ASH1L: variants seen among roughly 807,000 people sequenced by gnomAD.
ASH1L encodes the protein histone-lysine N-methyltransferase ASH1L.
In ASH1L, 23 loss-of-function variants were observed where a neutral mutation model predicts 269.0. That is an observed-to-expected ratio of 0.09 (90% confidence interval 0.06 to 0.12). The LOEUF (loss-of-function observed/expected upper bound fraction) is 0.12, where lower values mean the gene tolerates loss of function less well. Ranked by LOEUF, ASH1L falls within the 10% of genes least tolerant of loss-of-function variation. ASH1L has a pLI of 1.00. For synonymous variants in ASH1L, 1,187 were observed against 1,253.5 expected (o/e 0.95, Z 1.12); for missense variants, 2,912 against 3,567.8 (o/e 0.82, Z 4.68).
At position 155,447,765 on chromosome 1, in the gene ASH1L, T is replaced by G. The variant is rs118123151; in HGVS notation, c.5087-8697A>C. Among the ~76,000 whole-genome samples the G allele has an allele frequency of 1.1e-4, 17 of 152,306 alleles. No homozygotes were observed. The East Asian group carries it at 3.3e-3, about 29-fold the overall frequency. ...ATTTACATATTCTGGTTATGAACAC[T>G]TTGTCAGATGTGTAGTTTGCAAATA... is the stretch of plus-strand genomic sequence containing the variant. On this transcript the variant is annotated intron_variant, in intron 4 of 27. Coordinates refer to ENST00000392403, the MANE Select transcript of ASH1L (RefSeq NM_018489.3).
chr1:155,465,221 C>T (rs1052452424), intron 3 of ASH1L, among the ~76,000 whole-genome samples: 1 of 146,088 alleles, frequency 6.8e-6, no homozygotes, highest in Non-Finnish European at 1.5e-5. Context: ...CAACTAACTA[C>T]TCATTGAAGC....
chr1:155,555,899 A>T (rs1391367927), intron 1 of ASH1L, among the ~76,000 whole-genome samples: 1 of 140,290 alleles, frequency 7.1e-6, no homozygotes, highest in African/African-American at 2.5e-5. Flanking sequence ...TTAAGTATTT[A>T]TGGATGAAAT....
At chr1:155,494,164 A>T (rs549803788) in intron 2 of ASH1L, among the ~76,000 whole-genome samples, 5 of 152,248 alleles carry the variant, frequency 3.3e-5, no homozygotes, top group African/African-American at 1.2e-4. Context: ...TCAATTGTGC[A>T]GAAATGAAAA....
At chr1:155,429,642 G>A (rs1393287463) in intron 5 of ASH1L, among the ~76,000 whole-genome samples, 1 of 152,094 alleles carries the variant, frequency 6.6e-6, no homozygotes, top group Non-Finnish European at 1.5e-5. Flanking sequence ...ATTTTAAAAG[G>A]TAAATATGTG....
At chr1:155,541,882 C>T (rs1166090357) in intron 1 of ASH1L, among the ~76,000 whole-genome samples, 2 of 151,948 alleles carry the variant, frequency 1.3e-5, no homozygotes, top group East Asian at 3.9e-4. Flanking sequence ...CTGTATTATA[C>T]CAACAAGTCC....
chr1:155,486,865 A>G (rs1422588754), intron 2 of ASH1L, among the ~76,000 whole-genome samples: 1 of 151,934 alleles, frequency 6.6e-6, no homozygotes, highest in Non-Finnish European at 1.5e-5. Context: ...TAAAAAAAAA[A>G]AAAGAAAAAA....
Position 155,370,858 on chromosome 1 carries a change from C to A in ASH1L, c.6458G>T (p.Gly2153Val). ...ERFRAEEKGWGIRTKEPLKAG... is the reference protein window; with the variant it reads ...ERFRAEEKGWVIRTKEPLKAG... ...TTTTAGGGGCTCTTTGGTTCTGATT[C>A]CCCAACCTTTTTCCTCAGCTCGAAA... The change falls in exon 11 of 28, where the codon GGA becomes GTA. Residue 2153 changes from glycine to valine, a missense_variant. Gly to Val is a moderately radical substitution (Grantham distance 109). This residue lies in a region of ASH1L where 193 missense variants were observed against 311.6 expected (regional missense o/e 0.62). Coordinates refer to ENST00000392403, the MANE Select transcript of ASH1L (RefSeq NM_018489.3). 1 of 1,614,118 alleles carries A rather than the reference C, an allele frequency of 6.2e-7. No individual in the cohort carries two copies. The highest frequency in any genetic ancestry group is 8.5e-7 in the Non-Finnish European group (1 of 1,180,028).
Position 155,479,303 on chromosome 1 carries a change from A to C in ASH1L, c.3567T>G (p.Ser1189Arg). Residue 1189 changes from serine to arginine, a missense_variant, in exon 3 of 28, where the codon AGT becomes AGG. Coordinates refer to ENST00000392403, the MANE Select transcript of ASH1L (RefSeq NM_018489.3). The part of the protein sequence containing the change: ...SLKEATPSPI[S>R]ESHSDETIPS... ...GAATGGTCTCATCACTATGAGACTC[A>C]CTGATTGGGGAAGGAGTAGCTTCTT... The C allele has an allele frequency of 6.2e-7, 1 of 1,614,096 alleles. No homozygotes were observed. The highest frequency in any genetic ancestry group is 8.5e-7 in the Non-Finnish European group (1 of 1,180,008).
chr1:155,498,003 C>T (rs1391474478), intron 2 of ASH1L, among the ~76,000 whole-genome samples: 3 of 152,094 alleles, frequency 2.0e-5, no homozygotes, highest in Admixed American at 6.5e-5. Flanking sequence ...CCACCCGCCT[C>T]GGCCTCCCAA....
chr1:155,501,620 C>G (rs536134575), intron 2 of ASH1L, among the ~76,000 whole-genome samples: 1 of 152,316 alleles, frequency 6.6e-6, no homozygotes, highest in East Asian at 1.9e-4. Context: ...ATCTGCCCAC[C>G]TTGGCATCCG....
intron 6 of ASH1L, among the ~76,000 whole-genome samples, chr1:155,406,874 G>C (rs1271441777): frequency 1.3e-5 from 2 of 151,996 alleles, no homozygotes; most frequent in Non-Finnish European, 2.9e-5. Context: ...AATAGATAAA[G>C]AACTCTTAAA....
intron 27 of ASH1L, 143 bp from the exon 28 acceptor site, chr1:155,337,894 A>G: frequency 9.8e-7 from 1 of 1,022,128 alleles, no homozygotes; most frequent in East Asian, 2.5e-5. Flanking sequence ...CCCTACGTGA[A>G]AAAGGTGGTT....
intron 22 of ASH1L, 103 bp downstream of exon 22, chr1:155,344,080 T>G: frequency 3.0e-6 from 3 of 1,005,224 alleles, no homozygotes; most frequent in Non-Finnish European, 3.0e-6. Context: ...TCTATTGCTA[T>G]TCGAGGCCGT....
intron 6 of ASH1L, among the ~76,000 whole-genome samples, chr1:155,399,731 A>G (rs926432433): frequency 2.6e-5 from 4 of 152,118 alleles, no homozygotes; most frequent in Non-Finnish European, 4.4e-5. Flanking sequence ...AAGGAGAAAG[A>G]AAAGTAATTG....
At chr1:155,393,788 G>A (rs937430755) in intron 7 of ASH1L, among the ~76,000 whole-genome samples, 4 of 151,998 alleles carry the variant, frequency 2.6e-5, no homozygotes, top group African/African-American at 4.8e-5. Context: ...TCGTGACCTC[G>A]TGATCCACCT....
At chr1:155,514,256 A>T (rs988113787) in intron 2 of ASH1L, among the ~76,000 whole-genome samples, 1 of 152,254 alleles carries the variant, frequency 6.6e-6, no homozygotes, top group African/African-American at 2.4e-5. Context: ...CCACAAAATT[A>T]TACACTTACA....
intron 7 of ASH1L, among the ~76,000 whole-genome samples, chr1:155,393,131 C>A (rs1386608945): frequency 6.6e-6 from 1 of 152,190 alleles, no homozygotes; most frequent in Non-Finnish European, 1.5e-5. Context: ...AAGGAACTTA[C>A]TCTTACCTTC....
At chr1:155,557,042 AT>A (rs1463197034) in intron 1 of ASH1L, among the ~76,000 whole-genome samples, 2 of 152,048 alleles carry the variant, frequency 1.3e-5, no homozygotes, top group African/African-American at 4.8e-5. Context: ...TCTCAAAAAA[AT>A]TTTTTTAATT....
At chr1:155,453,773 T>C (rs1663670483) in intron 4 of ASH1L, among the ~76,000 whole-genome samples, 1 of 151,122 alleles carries the variant, frequency 6.6e-6, no homozygotes. Flanking sequence ...CACTCTAGCC[T>C]GGGCAACAGA....
Sources: gnomAD v4.1 joint callset for allele counts (sites outside exome capture counted in the v4.1 genomes callset) on GRCh38, gnomAD v4.1.1 for gene constraint, gnomAD v4.1.1 regional missense constraint, MANE v1.5 for transcripts, NCBI Gene and HGNC (gene_info 2026-07-23, HGNC 2026-07-21) for gene names.